The following BCKDHB variants were observed in gnomAD, a reference collection of about 807,000 sequenced individuals.
BCKDHB encodes the protein 2-oxoisovalerate dehydrogenase subunit beta, mitochondrial.
In BCKDHB, 41 loss-of-function variants were observed where a neutral mutation model predicts 48.5. The observed-to-expected ratio is 0.85, with a 90% CI of 0.66 to 1.10. The LOEUF is 1.10. BCKDHB is among the 50% of genes least tolerant of loss of function. The probability of loss-of-function intolerance (pLI) is 0.00; values close to 1 mark genes in which losing one functional copy is unlikely to be tolerated. For missense variants in BCKDHB, 496 were observed against 494.2 expected (o/e 1.00, Z -0.03); for synonymous variants, 201 against 174.8 (o/e 1.15, Z -1.18).
the BCKDHB span, among the ~76,000 whole-genome samples, chr6:80,429,181 T>C: frequency 6.6e-6 from 1 of 152,194 alleles, no homozygotes; most frequent in African/African-American, 2.4e-5. Context: ...CAGATGGTTG[T>C]AGATGTGTGG....
the BCKDHB span, among the ~76,000 whole-genome samples, chr6:80,416,071 T>C: frequency 4.6e-5 from 7 of 152,044 alleles, no homozygotes; most frequent in Non-Finnish European, 1.0e-4. Context: ...GAGGTGTTCA[T>C]GATATTCTCT....
the BCKDHB span, among the ~76,000 whole-genome samples, chr6:80,442,281 T>G: frequency 5.9e-5 from 9 of 152,286 alleles, no homozygotes; most frequent in African/African-American, 2.2e-4. Context: ...TTAGTACAAT[T>G]TCATGTTCAA....
chr6:80,229,198 T>C (rs1268626752), intron 8 of BCKDHB, among the ~76,000 whole-genome samples: 1 of 152,146 alleles, frequency 6.6e-6, no homozygotes, highest in Non-Finnish European at 1.5e-5. Context: ...CAGGAGGCAA[T>C]CAGTAAACAG....
At chr6:80,262,279 A>G (rs538574441) in intron 8 of BCKDHB, among the ~76,000 whole-genome samples, 1 of 152,290 alleles carries the variant, frequency 6.6e-6, no homozygotes, top group African/African-American at 2.4e-5. Flanking sequence ...ATGACCAAAT[A>G]TGGTATTTGG....
chr6:80,129,820 A>G (rs1770540656), intron 3 of BCKDHB, among the ~76,000 whole-genome samples: 1 of 152,166 alleles, frequency 6.6e-6, no homozygotes, highest in Non-Finnish European at 1.5e-5. Context: ...TGATTGTATG[A>G]AGCCTACCCA....
At chr6:80,450,612 T>C in the BCKDHB span, among the ~76,000 whole-genome samples, 3 of 152,204 alleles carry the variant, frequency 2.0e-5, no homozygotes, top group Non-Finnish European at 4.4e-5. Flanking sequence ...GAAGCCAATA[T>C]GGCAGATTAG....
At chr6:80,304,689 T>TGGA (rs1767765317) in intron 9 of BCKDHB, among the ~76,000 whole-genome samples, 1 of 152,134 alleles carries the variant, frequency 6.6e-6, no homozygotes, top group Non-Finnish European at 1.5e-5. Context: ...GGTGCAAAGT[T>TGGA]TTTATAGCAA....
the BCKDHB span, among the ~76,000 whole-genome samples, chr6:80,466,294 G>T: frequency 6.6e-6 from 1 of 151,492 alleles, no homozygotes; most frequent in African/African-American, 2.4e-5. Context: ...TCTTATTTAC[G>T]TACATTATTA....
chr6:80,180,578 C>T (rs1441725142), intron 6 of BCKDHB, among the ~76,000 whole-genome samples: 2 of 152,166 alleles, frequency 1.3e-5, no homozygotes, highest in Non-Finnish European at 2.9e-5. Flanking sequence ...GACTAAAAGA[C>T]TAAAATCCTT....
At chr6:80,126,867 T>TA (rs1383834315) in intron 1 of BCKDHB, among the ~76,000 whole-genome samples, 1 of 152,150 alleles carries the variant, frequency 6.6e-6, no homozygotes, top group East Asian at 1.9e-4. Context: ...GTCCAGAACC[T>TA]AACAATGAAT....
At chr6:80,268,595 A>G (rs1359004554) in intron 8 of BCKDHB, among the ~76,000 whole-genome samples, 3 of 152,072 alleles carry the variant, frequency 2.0e-5, no homozygotes, top group African/African-American at 7.2e-5. Context: ...CAATCTTGCT[A>G]TAGATTTTGA....
chr6:80,258,117 G>T (rs916085022), intron 8 of BCKDHB, among the ~76,000 whole-genome samples: 3 of 151,998 alleles, frequency 2.0e-5, no homozygotes, highest in African/African-American at 4.8e-5. Flanking sequence ...TTAATGTTCT[G>T]GTTCTGTATT....
At chr6:80,267,297 A>G (rs1160917164) in intron 8 of BCKDHB, among the ~76,000 whole-genome samples, 1 of 152,066 alleles carries the variant, frequency 6.6e-6, no homozygotes, top group Non-Finnish European at 1.5e-5. Flanking sequence ...ACTGTACTTG[A>G]TTCTTGCCCT....
At chr6:80,318,747 CTTTTTT>C (rs1350744279) in intron 9 of BCKDHB, among the ~76,000 whole-genome samples, 2 of 147,758 alleles carry the variant, frequency 1.4e-5, no homozygotes, top group Non-Finnish European at 3.0e-5. Flanking sequence ...CATGTACAGA[CTTTTTT>C]TTTATTGTCA....
intron 8 of BCKDHB, among the ~76,000 whole-genome samples, chr6:80,215,074 T>TA (rs983887469): frequency 6.8e-4 from 103 of 151,596 alleles, no homozygotes; most frequent in Non-Finnish European, 1.1e-3. Context: ...GCCTCTAATA[T>TA]AAAAAAAAAC....
At chr6:80,209,020 G>A (rs74641966) in intron 8 of BCKDHB, among the ~76,000 whole-genome samples, 1,886 of 151,878 alleles carry the variant, frequency 0.012, 31 homozygotes, top group African/African-American at 0.033. Context: ...TATTCACAAA[G>A]CAGTTGATAC....
the BCKDHB span, among the ~76,000 whole-genome samples, chr6:80,377,758 C>G: frequency 6.6e-6 from 1 of 152,166 alleles, no homozygotes; most frequent in Non-Finnish European, 1.5e-5. Context: ...TGAAATACAG[C>G]AGTGTAATTT....
At chr6:80,175,840 A>G (rs1773125367) in intron 6 of BCKDHB, among the ~76,000 whole-genome samples, 1 of 152,244 alleles carries the variant, frequency 6.6e-6, no homozygotes, top group South Asian at 2.1e-4. Context: ...AGCTGTAAAA[A>G]CTAGTTAAAC....
intron 9 of BCKDHB, among the ~76,000 whole-genome samples, chr6:80,313,690 A>AT (rs1768286512): frequency 6.6e-6 from 1 of 151,894 alleles, no homozygotes; most frequent in African/African-American, 2.4e-5. Flanking sequence ...TATTTTATTA[A>AT]TTTTTTCAAA....
Sources: gnomAD v4.1 joint callset for allele counts (sites outside exome capture counted in the v4.1 genomes callset) on GRCh38, gnomAD v4.1.1 for gene constraint, MANE v1.5 for transcripts, NCBI Gene and HGNC (gene_info 2026-07-23, HGNC 2026-07-21) for gene names.